Variants in LYRM4 observed in about 807,000 individuals in gnomAD.
LYRM4 encodes LYR motif-containing protein 4.
A neutral mutation model predicts 11.7 loss-of-function variants in LYRM4; 9 were observed. That is an observed-to-expected ratio of 0.77 (90% CI 0.46 to 1.34). The LOEUF (loss-of-function observed/expected upper bound fraction) is 1.34, where lower values mean the gene tolerates loss of function less well. Among genes scored for constraint, LYRM4 ranks in the 40% most tolerant of loss-of-function variants. LYRM4 has a pLI of 0.00. For missense variants in LYRM4, 133 were observed against 112.5 expected (o/e 1.18, Z -0.82); for synonymous variants, 42 against 40.4 (o/e 1.04, Z -0.15).
intron 1 of LYRM4, among the ~76,000 whole-genome samples, chr6:5,259,578 T>C (rs1013485234): frequency 1.3e-5 from 2 of 152,166 alleles, no homozygotes; most frequent in African/African-American, 2.4e-5. Flanking sequence ...ACAGAGGTTG[T>C]ACTGGGCAGA....
chr6:5,233,988 C>A (rs901322953), intron 1 of LYRM4, among the ~76,000 whole-genome samples: 1 of 152,240 alleles, frequency 6.6e-6, no homozygotes, highest in South Asian at 2.1e-4. Flanking sequence ...CTACAGCCTG[C>A]CCTTTCACCC....
chr6:5,177,596 G>A (rs1759796157), intron 2 of LYRM4, among the ~76,000 whole-genome samples: 1 of 152,196 alleles, frequency 6.6e-6, no homozygotes, highest in Admixed American at 6.5e-5. Context: ...CTGGCTTGAG[G>A]AATCTTTCAT....
chr6:5,241,977 C>T (rs908756381), intron 1 of LYRM4, among the ~76,000 whole-genome samples: 3 of 152,094 alleles, frequency 2.0e-5, no homozygotes, highest in Non-Finnish European at 4.4e-5. Flanking sequence ...CAAACACTCC[C>T]GGCCATATTA....
At chr6:5,080,302 GAA>G in the LYRM4 span, among the ~76,000 whole-genome samples, 4 of 152,178 alleles carry the variant, frequency 2.6e-5, no homozygotes, top group African/African-American at 9.7e-5. Context: ...AATAAAAAGA[GAA>G]AAAAAGACCA....
chr6:5,035,553 C>CCCCT, the LYRM4 span, among the ~76,000 whole-genome samples: 1 of 35,060 alleles, frequency 2.9e-5, no homozygotes, highest in Non-Finnish European at 6.6e-5. Context: ...CCTTCCCTCC[C>CCCCT]TCCTTCCCCT....
downstream of LYRM4, among the ~76,000 whole-genome samples, chr6:5,101,965 TTTC>T (rs1023162220): frequency 1.7e-5 from 2 of 120,756 alleles, no homozygotes; most frequent in Admixed American, 8.5e-5. Context: ...CAACTAATGC[TTTC>T]TTTTTTTTTT....
At chr6:5,135,984 CG>C (rs1757074043) in intron 2 of LYRM4, among the ~76,000 whole-genome samples, 1 of 152,194 alleles carries the variant, frequency 6.6e-6, no homozygotes, top group Non-Finnish European at 1.5e-5. Context: ...TAGGGACCGC[CG>C]TAAGTGGAAT....
intron 2 of LYRM4, among the ~76,000 whole-genome samples, chr6:5,207,494 A>C (rs1237046555): frequency 6.6e-6 from 1 of 152,206 alleles, no homozygotes; most frequent in Non-Finnish European, 1.5e-5. Context: ...AAGATGTGAC[A>C]CTGTTCCTTT....
At chr6:5,138,749 A>G (rs1460687481) in intron 2 of LYRM4, 1 of 1,528,736 alleles carries the variant, frequency 6.5e-7, no homozygotes, top group Non-Finnish European at 8.8e-7. Flanking sequence ...CCTGGGGGTA[A>G]AAAGAGAAAA....
intron 2 of LYRM4, among the ~76,000 whole-genome samples, chr6:5,147,238 T>C (rs891829332): frequency 5.3e-5 from 8 of 152,214 alleles, no homozygotes; most frequent in Non-Finnish European, 1.2e-4. Context: ...TACGAGCTCA[T>C]TTTGTTACCT....
chr6:5,175,481 T>A (rs1759664036), intron 2 of LYRM4, among the ~76,000 whole-genome samples: 1 of 152,042 alleles, frequency 6.6e-6, no homozygotes, highest in Non-Finnish European at 1.5e-5. Flanking sequence ...TAGGCCCTTA[T>A]CCTTGAACTG....
At chr6:5,122,668 C>T (rs893664860) in intron 2 of LYRM4, among the ~76,000 whole-genome samples, 1 of 152,246 alleles carries the variant, frequency 6.6e-6, no homozygotes, top group Non-Finnish European at 1.5e-5. Context: ...GACAGTCCCA[C>T]ATCCACCTGT....
the LYRM4 span, among the ~76,000 whole-genome samples, chr6:5,038,214 C>T: frequency 3.3e-5 from 2 of 61,474 alleles, 1 homozygote; most frequent in South Asian, 1.4e-3. Context: ...GATGGGCGGC[C>T]GGGCAGAGAC....
chr6:5,232,845 C>T (rs1481355319), intron 1 of LYRM4, among the ~76,000 whole-genome samples: 2 of 152,186 alleles, frequency 1.3e-5, no homozygotes, highest in African/African-American at 4.8e-5. Context: ...GTTTGTAATT[C>T]CATGATACAA....
chr6:5,190,154 C>T (rs915717150), intron 2 of LYRM4, among the ~76,000 whole-genome samples: 1 of 151,934 alleles, frequency 6.6e-6, no homozygotes, highest in Non-Finnish European at 1.5e-5. Flanking sequence ...AAGTATTATG[C>T]TAAGTACACA....
the LYRM4 span, chr6:5,085,563 G>C: frequency 2.6e-6 from 4 of 1,542,680 alleles, no homozygotes; most frequent in Non-Finnish European, 3.5e-6. Flanking sequence ...CGGCCGAGGA[G>C]CTGCCCGCCC....
In LYRM4 at chr6:5,113,513, G is replaced by A. The variant is rs150737153; in HGVS notation, c.208-4022C>T. The A allele has an allele frequency of 1.6e-3, 477 of 295,242 alleles. 1 individual carries two copies. Among genetic ancestry groups the A allele is most frequent in the African/African-American group, 0.011 (467 of 43,892 alleles). 18.3% of individuals were successfully genotyped at this position (295,242 alleles called of 1,614,324 possible). A position where few individuals can be genotyped will look rare whatever the true frequency, so the allele number is the denominator to read the frequency against. ...GCAGCCAGAGGAATACGTGGGTGCTGCCCTGAAGGGGGACCCACCCTTGCA... is the reference window on the plus strand; with the variant it reads ...GCAGCCAGAGGAATACGTGGGTGCTACCCTGAAGGGGGACCCACCCTTGCA... On this transcript the variant is annotated intron_variant, in intron 2 of 2. Coordinates refer to ENST00000330636, the MANE Select transcript of LYRM4 (RefSeq NM_020408.6).
chr6:5,217,667 G>A (rs191977351), intron 1 of LYRM4, among the ~76,000 whole-genome samples: 52 of 152,324 alleles, frequency 3.4e-4, no homozygotes, highest in Middle Eastern at 3.4e-3. Context: ...TGCAATTACT[G>A]TTCCCTCTCC....
intron 1 of LYRM4, among the ~76,000 whole-genome samples, chr6:5,256,491 GAAAAAAAAAAAAAAAAAAAAA>G (rs1161084364): frequency 1.8e-4 from 8 of 43,882 alleles, no homozygotes; most frequent in Admixed American, 3.4e-4. Flanking sequence ...ATTTCAACTG[GAAAAAAAAAAAAAAAAAAAAA>G]AAAAAAAAAA....
Sources: allele counts gnomAD v4.1 joint callset (sites outside exome capture counted in the v4.1 genomes callset), GRCh38; gene constraint gnomAD v4.1.1; transcripts MANE v1.5; gene names NCBI Gene and HGNC (gene_info 2026-07-23, HGNC 2026-07-21).